CFAP61: variants seen among roughly 807,000 people sequenced by gnomAD.
CFAP61 encodes cilia and flagella associated protein 61, also known as cilia- and flagella-associated protein 61.
CFAP61 carries 107 observed loss-of-function variants against 135.6 expected under a neutral mutation model. That is an observed-to-expected ratio of 0.79 (90% CI 0.67 to 0.93). CFAP61 has a LOEUF of 0.93. CFAP61 is among the 40% of genes least tolerant of loss of function. CFAP61 has a pLI of 0.00. For synonymous variants in CFAP61, 575 were observed against 578.5 expected (o/e 0.99, Z 0.09); for missense variants, 1,507 against 1,556.2 (o/e 0.97, Z 0.53).
intron 10 of CFAP61, among the ~76,000 whole-genome samples, chr20:20,161,058 A>C (rs1052356408): frequency 2.6e-5 from 4 of 152,040 alleles, no homozygotes; most frequent in Admixed American, 6.6e-5. Context: ...TTTGCTCCCC[A>C]AGTAAACTAC....
intron 26 of CFAP61, among the ~76,000 whole-genome samples, chr20:20,348,689 CAAA>C (rs71198052): frequency 3.7e-5 from 2 of 53,462 alleles, no homozygotes; most frequent in African/African-American, 7.3e-5. Flanking sequence ...GACTCCGTAT[CAAA>C]AAAAAAAAAA....
intron 8 of CFAP61, among the ~76,000 whole-genome samples, chr20:20,125,988 T>G (rs1269199913): frequency 1.3e-5 from 2 of 151,808 alleles, no homozygotes; most frequent in Non-Finnish European, 2.9e-5. Context: ...CTCTTTTAAC[T>G]GCTGTTGCTT....
intron 25 of CFAP61, among the ~76,000 whole-genome samples, chr20:20,322,406 G>T (rs908750660): frequency 2.0e-5 from 3 of 152,180 alleles, no homozygotes; most frequent in African/African-American, 7.2e-5. Flanking sequence ...ATGGCAGGGG[G>T]TTGAGCGGAT....
intron 18 of CFAP61, among the ~76,000 whole-genome samples, chr20:20,239,206 T>C (rs1199928578): frequency 4.6e-5 from 7 of 152,216 alleles, no homozygotes; most frequent in Admixed American, 1.3e-4. Flanking sequence ...ATTAGACTTA[T>C]GTATTATAAA....
intron 2 of CFAP61, among the ~76,000 whole-genome samples, chr20:20,069,061 C>T (rs557830478): frequency 6.6e-6 from 1 of 152,120 alleles, no homozygotes; most frequent in African/African-American, 2.4e-5. Context: ...CTATATATAC[C>T]GAGAGATACT....
At chr20:20,222,628 A>G (rs913372907) in intron 17 of CFAP61, among the ~76,000 whole-genome samples, 1 of 152,228 alleles carries the variant, frequency 6.6e-6, no homozygotes, top group Admixed American at 6.5e-5. Context: ...TCTGCGGGAC[A>G]GAGGTGTTGG....
intron 26 of CFAP61, among the ~76,000 whole-genome samples, chr20:20,355,906 T>C (rs1300623637): frequency 1.1e-5 from 1 of 90,958 alleles, no homozygotes; most frequent in Non-Finnish European, 2.1e-5. Flanking sequence ...TGAGGGGAGG[T>C]GGTCACACTG....
At chr20:20,132,479 G>A (rs529566496) in intron 8 of CFAP61, among the ~76,000 whole-genome samples, 2 of 152,158 alleles carry the variant, frequency 1.3e-5, no homozygotes, top group African/African-American at 4.8e-5. Flanking sequence ...CATGGAAATA[G>A]TGTGAATCCC....
At chr20:20,332,136 G>C (rs1019091214) in intron 25 of CFAP61, among the ~76,000 whole-genome samples, 3 of 152,214 alleles carry the variant, frequency 2.0e-5, no homozygotes, top group African/African-American at 7.2e-5. Context: ...AAAGGGAAGA[G>C]GCAGAGCACT....
chr20:20,312,710 G>T (rs1054865879), intron 25 of CFAP61, among the ~76,000 whole-genome samples: 4 of 152,090 alleles, frequency 2.6e-5, no homozygotes, highest in Non-Finnish European at 4.4e-5. Flanking sequence ...AAAGACACGG[G>T]CACATTCTTT....
intron 2 of CFAP61, among the ~76,000 whole-genome samples, chr20:20,058,060 A>G (rs2044515053): frequency 6.6e-6 from 1 of 152,186 alleles, no homozygotes. Context: ...AAAATATTAA[A>G]TATCCTAGTA....
At chr20:20,200,634 T>TA (rs753862786) in intron 17 of CFAP61, 30,164 of 756,606 alleles carry the variant, frequency 0.04, 35 homozygotes, top group African/African-American at 0.044. Flanking sequence ...CTTAAGTAAG[T>TA]AAAAAAAAAA....
At chr20:20,079,439 T>G (rs1383184853) in intron 6 of CFAP61, among the ~76,000 whole-genome samples, 3 of 152,144 alleles carry the variant, frequency 2.0e-5, no homozygotes, top group Non-Finnish European at 4.4e-5. Flanking sequence ...TGCTATTTTT[T>G]TTTTCCTTTT....
intron 18 of CFAP61, among the ~76,000 whole-genome samples, chr20:20,233,334 A>T (rs567224374): frequency 2.4e-4 from 36 of 152,280 alleles, no homozygotes; most frequent in Middle Eastern, 3.4e-3. Flanking sequence ...CAGGTTTGTG[A>T]TTGTGACTCC....
intron 20 of CFAP61, among the ~76,000 whole-genome samples, chr20:20,262,590 C>A (rs562385051): frequency 2.0e-5 from 3 of 152,180 alleles, no homozygotes; most frequent in Non-Finnish European, 4.4e-5. Context: ...TCACCCCTAG[C>A]CTTTGAGTCT....
At chr20:20,172,815 A>G (rs954381440) in intron 13 of CFAP61, among the ~76,000 whole-genome samples, 10 of 152,164 alleles carry the variant, frequency 6.6e-5, no homozygotes, top group African/African-American at 2.4e-4. Context: ...CATAGTTCAC[A>G]TTAGGGTTCG....
chr20:20,202,527 A>T (rs866646449), intron 17 of CFAP61, among the ~76,000 whole-genome samples: 25 of 152,368 alleles, frequency 1.6e-4, no homozygotes, highest in South Asian at 8.3e-4. Context: ...AAATTATATT[A>T]TTAAAATTAT....
At chr20:20,188,865 C>T (rs1463212142) in intron 14 of CFAP61, among the ~76,000 whole-genome samples, 2 of 152,176 alleles carry the variant, frequency 1.3e-5, no homozygotes, top group Non-Finnish European at 2.9e-5. Context: ...CCCCTGATGC[C>T]TCTACTCAGG....
chr20:20,319,867 G>A (rs1477758282), intron 25 of CFAP61, among the ~76,000 whole-genome samples: 1 of 152,106 alleles, frequency 6.6e-6, no homozygotes, highest in Non-Finnish European at 1.5e-5. Context: ...GAGCATCAGT[G>A]GCTGCTGATA....
Sources: allele counts gnomAD v4.1 joint callset (sites outside exome capture counted in the v4.1 genomes callset), GRCh38; gene constraint gnomAD v4.1.1; transcripts MANE v1.5; gene names NCBI Gene and HGNC (gene_info 2026-07-23, HGNC 2026-07-21).